The following MROH6 variants were observed in gnomAD, a reference collection of about 807,000 sequenced individuals.
MROH6 encodes maestro heat like repeat family member 6.
MROH6 carries 62 observed loss-of-function variants against 67.7 expected under a neutral mutation model. The observed-to-expected ratio is 0.92, with a 90% CI of 0.75 to 1.13. The LOEUF (loss-of-function observed/expected upper bound fraction) is 1.13, where lower values mean the gene tolerates loss of function less well. Ranked by LOEUF, MROH6 falls within the 50% of genes most tolerant of loss-of-function variation. The probability of loss-of-function intolerance (pLI) is 0.00; values close to 1 mark genes in which losing one functional copy is unlikely to be tolerated. For missense variants in MROH6, 1,175 were observed against 1,029.1 expected, an observed-to-expected ratio of 1.14 and a Z score of -1.94; for synonymous variants, 566 against 470.8, an observed-to-expected ratio of 1.20 and a Z score of -2.62.
rs754436298 is a variant in MROH6, at chr8:143,569,599, T to C, written c.1318A>G (p.Thr440Ala). ...GCGCCCAGGAGCGCCGGCAGCAGCG[T>C]GCTCACGTGCCGCACCTGCTGGGAC... ...LNRRKVRHVS[T>A]LLPALLGALG... The change falls in exon 9 of 14, where the codon ACG becomes GCG. Residue 440 changes from threonine to alanine, a missense_variant. Thr to Ala is a moderately conservative substitution (Grantham distance 58). Coordinates refer to ENST00000398882, the MANE Select transcript of MROH6 (RefSeq NM_001100878.2). The C allele has an allele frequency of 1.3e-6, 2 of 1,576,600 alleles. No homozygotes were observed. The highest frequency in any genetic ancestry group is 1.3e-5 in the African/African-American group (1 of 74,244).
Position 143,569,949 on chromosome 8 carries a change from AC to A in MROH6, c.1158+1del, listed in dbSNP as rs567879446. ...CACCACCCATCCGGGAAGCAGGCTC[AC>A]CCCTGTGAAGAAGGCCATAGCCGTG... On this transcript the variant is annotated splice_donor_variant, in intron 7 of 13. Coordinates refer to ENST00000398882, the MANE Select transcript of MROH6 (RefSeq NM_001100878.2). LOFTEE classifies it high-confidence loss of function. 4.9e-4 allele frequency: 792 copies of A among 1,612,350 alleles called. 3 individuals carry two copies. In the African/African-American group the frequency reaches 9.4e-3, roughly 19 times the overall value.
In MROH6 at chr8:143,567,609, AC is replaced by A. The variant is rs1823697111; in HGVS notation, c.1933+1del. 1 of 1,558,326 alleles carries A rather than the reference AC, an allele frequency of 6.4e-7. No individual in the cohort carries two copies. Among genetic ancestry groups the A allele is most frequent in the African/African-American group, 1.4e-5 (1 of 73,390 alleles). ...CCATCCCCTGGCAAGGTGGGGCCTC[AC>A]CCTGGAACAGGGAGTCCAGCAGGTC... is the stretch of plus-strand genomic sequence containing the variant. On this transcript the variant is annotated splice_donor_variant, in intron 13 of 13. Transcript: ENST00000398882. LOFTEE classifies it high-confidence loss of function.
In MROH6 at chr8:143,570,673, C is replaced by T. The variant is rs1211910398; in HGVS notation, c.721-16G>A. 3.2e-6 allele frequency: 5 copies of T among 1,581,936 alleles called. No homozygotes were observed. Among genetic ancestry groups the T allele is most frequent in the East Asian group, 2.2e-5 (1 of 44,478 alleles). ...CACGTGTGGCCTGTGGAGCAAGTGG[C>T]CCACTCAGGCCTGGGGCACGCCTGG... On this transcript the variant is annotated splice_polypyrimidine_tract_variant and intron_variant, in intron 4 of 13. Coordinates refer to ENST00000398882, the MANE Select transcript of MROH6 (RefSeq NM_001100878.2).
At position 143,569,633 on chromosome 8, in the gene MROH6, A is replaced by C; in HGVS notation, c.1303-19T>G. On this transcript the variant is annotated intron_variant, in intron 8 of 13. Coordinates refer to ENST00000398882, the MANE Select transcript of MROH6 (RefSeq NM_001100878.2). ...GCCGCACCTGCTGGGACTCGGGGTCAGCCTCTTGCAGACCTCGCCGCGACC... is the reference window on the plus strand; with the variant it reads ...GCCGCACCTGCTGGGACTCGGGGTCCGCCTCTTGCAGACCTCGCCGCGACC... 6.3e-7 allele frequency: 1 copy of C among 1,587,060 alleles called. No individual in the cohort carries two copies.
intron 3 of MROH6, 71 bp from the exon 4 acceptor site, chr8:143,571,065 G>T: frequency 1.5e-6 from 2 of 1,338,012 alleles, no homozygotes; most frequent in Non-Finnish European, 2.1e-6. Flanking sequence ...GGAGTCCCCA[G>T]CCAGGGTGGA....
chr8:143,572,369 TC>T, intron 1 of MROH6, 51 bp downstream of exon 1: 1 of 1,478,046 alleles, frequency 6.8e-7, no homozygotes, highest in Non-Finnish European at 9.0e-7. Context: ...CCACCTACCA[TC>T]CACAGGACCC....
chr8:143,572,414 C>G lies in MROH6; in HGVS notation c.294+7G>C. 1 of 1,559,226 alleles carries G rather than the reference C, an allele frequency of 6.4e-7. No individual in the cohort carries two copies. Among genetic ancestry groups the G allele is most frequent in the South Asian group, 1.2e-5 (1 of 84,962 alleles). ...GTTCGCACAACATCCCTTCCCTCCC[C>G]CGTCACCTGGTGGGGCCCCTCAGGG... is the stretch of plus-strand genomic sequence containing the variant. On this transcript the variant is annotated splice_region_variant and intron_variant, in intron 1 of 13. Coordinates refer to ENST00000398882, the MANE Select transcript of MROH6 (RefSeq NM_001100878.2).
At position 143,569,568 on chromosome 8, in the gene MROH6, C is replaced by T; in HGVS notation, c.1349G>A (p.Gly450Asp). ...ACCCACGAGCCGCGCGTCGCCTTCG[C>T]CCAGTGCGCCCAGGAGCGCCGGCAG... ...TLLPALLGAL[G>D]EGDARLVGAA... The change falls in exon 9 of 14, where the codon GGC becomes GAC. Residue 450 changes from glycine to aspartate, a missense_variant. Gly to Asp is a moderately conservative substitution (Grantham distance 94). Coordinates refer to ENST00000398882, the MANE Select transcript of MROH6 (RefSeq NM_001100878.2). 1.9e-6 allele frequency: 3 copies of T among 1,554,872 alleles called. No individual in the cohort carries two copies. The highest frequency in any genetic ancestry group is 4.7e-5 in the East Asian group (2 of 42,266).
chr8:143,567,477 TCG>T lies in MROH6; in HGVS notation c.1934-14_1934-13del. On this transcript the variant is annotated splice_polypyrimidine_tract_variant and intron_variant, in intron 13 of 13. Coordinates refer to ENST00000398882, the MANE Select transcript of MROH6 (RefSeq NM_001100878.2). ...CAGTCGCCCTAGGTCTGCGAGGAGATCGCGGCTCAGGCTGGGGAGCCCAGGAG... is the reference window on the plus strand; with the variant it reads ...CAGTCGCCCTAGGTCTGCGAGGAGATCGGCTCAGGCTGGGGAGCCCAGGAG... The T allele has an allele frequency of 1.4e-6, 2 of 1,426,424 alleles. No homozygotes were observed. Among genetic ancestry groups the T allele is most frequent in the Non-Finnish European group, 1.8e-6 (2 of 1,086,146 alleles). 88.4% of individuals were successfully genotyped at this position (1,426,424 alleles called of 1,614,324 possible).
Position 143,569,715 on chromosome 8 carries a change from G to C in MROH6, c.1284C>G (p.Leu428=), listed in dbSNP as rs762992275. 6.2e-7 allele frequency: 1 copy of C among 1,613,004 alleles called. No homozygotes were observed. Among genetic ancestry groups the C allele is most frequent in the Non-Finnish European group, 8.5e-7 (1 of 1,179,598 alleles). Residue 428 remains leucine (L), a synonymous_variant, in exon 8 of 14, where the codon CTC becomes CTG. Transcript: ENST00000398882. The part of the protein sequence containing the change: ...RWLGLLGLGH[L]ALNRRKVRHV... ...CTCACACCTTCCTGCGATTCAGCGC[G>C]AGGTGGCCCAGGCCCAGCAGGCCCA...
At position 143,569,711 on chromosome 8, in the gene MROH6, G is replaced by C. The variant is rs187831058; in HGVS notation, c.1288C>G (p.Leu430Val). Residue 430 changes from leucine to valine, a missense_variant, in exon 8 of 14, where the codon CTG (leucine) becomes GTG (valine). Leu to Val is a conservative substitution (Grantham distance 32). Coordinates refer to ENST00000398882, the MANE Select transcript of MROH6 (RefSeq NM_001100878.2). ...LGLLGLGHLA[L>V]NRRKVRHVST... The stretch of plus-strand genomic sequence containing the variant: ...TTCTCTCACACCTTCCTGCGATTCA[G>C]CGCGAGGTGGCCCAGGCCCAGCAGG... The C allele has an allele frequency of 7.4e-6, 12 of 1,612,842 alleles. No homozygotes were observed. The highest frequency in any genetic ancestry group is 9.3e-6 in the Non-Finnish European group (11 of 1,179,572).
rs1432710729 is a variant in MROH6, at chr8:143,572,091, G to A, written c.389C>T (p.Ala130Val). The change falls in exon 2 of 14, where the codon GCG becomes GTG. Residue 130 changes from alanine to valine, a missense_variant. By Grantham distance (64) the Ala-to-Val change is moderately conservative. Coordinates refer to ENST00000398882, the MANE Select transcript of MROH6 (RefSeq NM_001100878.2). ...LEEAGFAGTQ[A>V]TVLTLSSALE... is the part of the protein sequence containing the mutation. ...GGCTGAGGACAGGGTGAGCACTGTC[G>A]CCTGGGTCCCTGCAAAGCCAGCCTC... 2.5e-5 allele frequency: 41 copies of A among 1,612,672 alleles called. No individual in the cohort carries two copies. In the East Asian group the frequency reaches 3.3e-4, roughly 13 times the overall value.
rs34528729 is a variant in MROH6, at chr8:143,568,092, G to GT, written c.1764+49dup. 1.6e-3 allele frequency: 2,520 copies of GT among 1,550,612 alleles called. 25 individuals are homozygous for GT. The African/African-American group carries it at 0.031, about 19-fold the overall frequency. ...GGGGCCCCGGTGAACCCTGGAACAA[G>GT]TGGGCTGCTGATCATACCCCCTTGC... On this transcript the variant is annotated intron_variant, in intron 11 of 13. Coordinates refer to ENST00000398882, the MANE Select transcript of MROH6 (RefSeq NM_001100878.2).
chr8:143,568,322 T>C (rs1014177937), intron 10 of MROH6, 61 bp from the exon 11 acceptor site: 2 of 1,545,054 alleles, frequency 1.3e-6, no homozygotes, highest in Non-Finnish European at 1.7e-6. Flanking sequence ...AAAGGTGGGG[T>C]GGGAAGAGGG....
chr8:143,572,700 C>T lies in MROH6; in HGVS notation c.15G>A (p.Val5=). 6.7e-7 allele frequency: 1 copy of T among 1,501,602 alleles called. No homozygotes were observed. The highest frequency in any genetic ancestry group is 8.9e-7 in the Non-Finnish European group (1 of 1,128,122). 93.0% of individuals were successfully genotyped at this position (1,501,602 alleles called of 1,614,324 possible). A position where few individuals can be genotyped will look rare whatever the true frequency, so the allele number is the denominator to read the frequency against. ...CCTCCCGGGCCCGGCTCCGGCCCCA[C>T]ACACCCCCAGCCATGGCGGCCCTTG... MAGG[V]WGRSRAREAP... is the part of the protein sequence containing the mutation. Residue 5 remains valine (V), a synonymous_variant, in exon 1 of 14, where the codon GTG becomes GTA. Transcript: ENST00000398882.
rs947413611 is a variant in MROH6 at position 143,567,393 on chromosome 8, G to A, written c.2006C>T (p.Ala669Val). 1.6e-4 allele frequency: 199 copies of A among 1,252,670 alleles called. No individual in the cohort carries two copies. In the Middle Eastern group the frequency reaches 2.1e-3, roughly 14 times the overall value. 77.6% of individuals were successfully genotyped at this position (1,252,670 alleles called of 1,614,324 possible). The change falls in exon 14 of 14, where the codon GCG becomes GTG. Residue 669 changes from alanine (A) to valine (V), a missense_variant. Transcript: ENST00000398882. Reference protein sequence around the residue: ...AAAHVSAQQVAMLARARGCPR... With the variant: ...AAAHVSAQQVVMLARARGCPR... The stretch of plus-strand genomic sequence containing the variant: ...GCAGCCCCGGGCACGGGCCAGCATC[G>A]CCACCTGCTGAGCGGACACGTGCGC...
Position 143,569,996 on chromosome 8 carries a change from G to A in MROH6, c.1113C>T (p.Ser371=), listed in dbSNP as rs2130639741. The change falls in exon 7 of 14, where the codon AGC becomes AGT. Residue 371 remains serine (S), a synonymous_variant. Coordinates refer to ENST00000398882, the MANE Select transcript of MROH6 (RefSeq NM_001100878.2). ...LFADLLPRLR[S]ADDPQRLTAM... The stretch of plus-strand genomic sequence containing the variant: ...CCGTGAGACGCTGCGGGTCGTCCGC[G>A]CTGCGAAGCCGAGGGAGCAAGTCTG... 1.9e-6 allele frequency: 3 copies of A among 1,613,182 alleles called. No homozygotes were observed. The highest frequency in any genetic ancestry group is 3.3e-4 in the Middle Eastern group (2 of 6,062).
Position 143,570,542 on chromosome 8 carries a change from C to T in MROH6, c.836G>A (p.Ser279Asn). The change falls in exon 5 of 14, where the codon AGC becomes AAC. Residue 279 changes from serine to asparagine, a missense_variant. Physicochemically the swap from Ser to Asn is conservative, Grantham distance 46. Coordinates refer to ENST00000398882, the MANE Select transcript of MROH6 (RefSeq NM_001100878.2). ...CTTGGGCATGTCGGGGGAGCACGGG[C>T]TGCGGGCCAGCTTGTGCAGCTGTGT... is the stretch of plus-strand genomic sequence containing the variant. ...LVTQLHKLAR[S>N]PCSPDMPKIW... 1 of 1,611,254 alleles carries T rather than the reference C, an allele frequency of 6.2e-7. No homozygotes were observed.
In MROH6 at chr8:143,568,158, T is replaced by G. The variant is rs761785344; in HGVS notation, c.1748A>C (p.His583Pro). The G allele has an allele frequency of 6.2e-6, 10 of 1,608,044 alleles. No homozygotes were observed. In the South Asian group the frequency reaches 7.8e-5, roughly 13 times the overall value. Residue 583 changes from histidine to proline, a missense_variant, in exon 11 of 14, where the codon CAC becomes CCC. Transcript: ENST00000398882. ...AHYDSPEALS[H>P]LCCRLVQRYP... Reference sequence around the variant, plus strand: ...CCTACTGACCAGGCGGCAGCAGAGGTGGCTCAGGGCCTCGGGGCTGTCATA... The same window carrying G: ...CCTACTGACCAGGCGGCAGCAGAGGGGGCTCAGGGCCTCGGGGCTGTCATA...
Sources: gnomAD v4.1 joint callset for allele counts on GRCh38, gnomAD v4.1.1 for gene constraint, MANE v1.5 for transcripts, NCBI Gene and HGNC (gene_info 2026-07-23, HGNC 2026-07-21) for gene names.